NNT: variants seen among roughly 807,000 people sequenced by gnomAD.
NNT encodes nicotinamide nucleotide transhydrogenase, also known as NAD(P) transhydrogenase, mitochondrial.
In NNT, 50 loss-of-function variants were observed where a neutral mutation model predicts 104.8. The ratio of observed to expected loss-of-function variants is 0.48; its 90% CI spans 0.38 to 0.60. NNT has a LOEUF of 0.60. Among genes scored for constraint, NNT ranks in the 20% least tolerant of loss-of-function variants. NNT has a pLI of 0.00. For missense variants in NNT, 1,131 were observed against 1,330.7 expected, an observed-to-expected ratio of 0.85 and a Z score of 2.33; for synonymous variants, 461 against 490.4, an observed-to-expected ratio of 0.94 and a Z score of 0.79.
intron 19 of NNT, 108 bp downstream of exon 19, chr5:43,677,914 CCCA>C: frequency 2.5e-6 from 2 of 802,056 alleles, no homozygotes; most frequent in African/African-American, 1.7e-5. Context: ...CACTGACCCG[CCCA>C]TACAATTAAA....
rs749214927 is a variant in NNT, at chr5:43,649,188, C to G, written c.1486C>G (p.Leu496Val). ...GGGTTTGGGCATTGCGGCTCCCAAT[C>G]TAGCCTTTTCTCAGATGGTGACCAC... is the stretch of plus-strand genomic sequence containing the variant. ...ILGLGIAAPNLAFSQMVTTFG... is the reference protein window; with the variant it reads ...ILGLGIAAPNVAFSQMVTTFG... Residue 496 changes from leucine to valine, a missense_variant, in exon 11 of 22, where the codon CTA becomes GTA. Coordinates refer to ENST00000344920, the MANE Select transcript of NNT (RefSeq NM_182977.3). 2 of 1,614,202 alleles carry G rather than the reference C, an allele frequency of 1.2e-6. No individual in the cohort carries two copies. The highest frequency in any genetic ancestry group is 2.2e-5 in the East Asian group (1 of 44,882).
chr5:43,630,112 G>C (rs757648577), intron 7 of NNT, among the ~76,000 whole-genome samples: 4 of 152,046 alleles, frequency 2.6e-5, no homozygotes, highest in Non-Finnish European at 4.4e-5. Flanking sequence ...TCAGGTCTTA[G>C]ATTTAAGTGT....
chr5:43,620,012 A>T (rs761874905), intron 5 of NNT, among the ~76,000 whole-genome samples: 7 of 152,014 alleles, frequency 4.6e-5, no homozygotes, highest in Non-Finnish European at 8.8e-5. Context: ...ACTCCCAGGG[A>T]GGGCATTAAT....
intron 10 of NNT, among the ~76,000 whole-genome samples, chr5:43,646,833 A>G (rs1739472824): frequency 6.6e-6 from 1 of 152,156 alleles, no homozygotes; most frequent in South Asian, 2.1e-4. Context: ...CAACATTTTC[A>G]TTTAGATCTC....
chr5:43,625,741 A>G (rs2111667209), intron 6 of NNT, among the ~76,000 whole-genome samples: 1 of 152,252 alleles, frequency 6.6e-6, no homozygotes, highest in East Asian at 1.9e-4. Context: ...CACAAAGTTT[A>G]AATATATAAA....
chr5:43,647,988 C>A, intron 10 of NNT: 1 of 665,088 alleles, frequency 1.5e-6, no homozygotes, highest in Non-Finnish European at 2.4e-6. Flanking sequence ...GGTTAAGTAA[C>A]TTGCCTGAGA....
At chr5:43,693,683 TAAAC>T (rs977722471) in intron 19 of NNT, among the ~76,000 whole-genome samples, 5 of 152,294 alleles carry the variant, frequency 3.3e-5, no homozygotes, top group South Asian at 2.1e-4. Context: ...GTTAAAAAAA[TAAAC>T]AATCTTGTTT....
chr5:43,624,657 T>A lies in NNT; in HGVS notation c.776+537T>A, dbSNP rs184881408. On this transcript the variant is annotated intron_variant, in intron 6 of 21. Coordinates refer to ENST00000344920, the MANE Select transcript of NNT (RefSeq NM_182977.3). ...GCCCCTGGGTGAAAGTACTTGGTTA[T>A]GTATACTGTGTATTTCTTTAATGCA... is the stretch of plus-strand genomic sequence containing the variant. Among the ~76,000 whole-genome samples, 428 of 152,358 alleles carry A rather than the reference T, an allele frequency of 2.8e-3. 3 individuals are homozygous for A. The highest frequency in any genetic ancestry group is 8.4e-3 in the Admixed American group (128 of 15,304).
At chr5:43,682,380 T>G (rs1741769733) in intron 19 of NNT, among the ~76,000 whole-genome samples, 1 of 152,050 alleles carries the variant, frequency 6.6e-6, no homozygotes, top group African/African-American at 2.4e-5. Flanking sequence ...CTGACTAATT[T>G]TTGTATTTTT....
At chr5:43,616,113 G>T (rs1183962761) in intron 4 of NNT, 48 bp downstream of exon 4, 3 of 1,452,564 alleles carry the variant, frequency 2.1e-6, no homozygotes, top group Non-Finnish European at 2.9e-6. Context: ...TAGTGCTACA[G>T]AAACCTTCAC....
At chr5:43,699,751 T>G (rs1742753788) in intron 19 of NNT, among the ~76,000 whole-genome samples, 1 of 152,206 alleles carries the variant, frequency 6.6e-6, no homozygotes, top group Non-Finnish European at 1.5e-5. Context: ...AATTCCAGGC[T>G]AGGTAAATAG....
chr5:43,657,166 G>C (rs1008286643), intron 16 of NNT, among the ~76,000 whole-genome samples: 1 of 152,114 alleles, frequency 6.6e-6, no homozygotes, highest in Non-Finnish European at 1.5e-5. Context: ...ATAGTGCTTC[G>C]GGGTTTATAC....
intron 19 of NNT, among the ~76,000 whole-genome samples, chr5:43,681,834 C>CAA (rs1320163596): frequency 2.6e-5 from 4 of 152,122 alleles, no homozygotes; most frequent in Admixed American, 2.6e-4. Context: ...GTCCAGTCCT[C>CAA]AAAAGTTTAT....
chr5:43,670,639 C>G (rs1260766811), intron 17 of NNT, among the ~76,000 whole-genome samples: 1 of 152,184 alleles, frequency 6.6e-6, no homozygotes, highest in Non-Finnish European at 1.5e-5. Flanking sequence ...GCACTGTGGT[C>G]TGAGAGAGAG....
chr5:43,608,223 C>G (rs1463429639), intron 1 of NNT, among the ~76,000 whole-genome samples: 1 of 152,224 alleles, frequency 6.6e-6, no homozygotes, highest in Non-Finnish European at 1.5e-5. Flanking sequence ...GCCACTGCGC[C>G]TGGCTTCTTT....
intron 7 of NNT, among the ~76,000 whole-genome samples, chr5:43,636,516 A>G (rs1750938489): frequency 6.6e-6 from 1 of 152,198 alleles, no homozygotes; most frequent in African/African-American, 2.4e-5. Flanking sequence ...GAAAGACGTG[A>G]GAAAGAAAAT....
intron 17 of NNT, 53 bp downstream of exon 17, chr5:43,659,403 G>A (rs1299951701): frequency 8.6e-6 from 12 of 1,401,608 alleles, no homozygotes; most frequent in Non-Finnish European, 1.2e-5. Flanking sequence ...TGAAAACATG[G>A]ATGTGCATGT....
intron 18 of NNT, 136 bp downstream of exon 18, chr5:43,675,806 A>T: frequency 3.1e-6 from 2 of 645,420 alleles, no homozygotes; most frequent in Non-Finnish European, 4.8e-6. Context: ...CAAATCTATG[A>T]TTACTAAGTG....
At chr5:43,624,673 C>T (rs1750273098) in intron 6 of NNT, among the ~76,000 whole-genome samples, 1 of 152,114 alleles carries the variant, frequency 6.6e-6, no homozygotes, top group Non-Finnish European at 1.5e-5. Flanking sequence ...CTGTGTATTT[C>T]TTTAATGCAG....
Sources: gnomAD v4.1 joint callset for allele counts (sites outside exome capture counted in the v4.1 genomes callset) on GRCh38, gnomAD v4.1.1 for gene constraint, MANE v1.5 for transcripts, NCBI Gene and HGNC (gene_info 2026-07-23, HGNC 2026-07-21) for gene names.